KATNAL1: variants seen among roughly 807,000 people sequenced by gnomAD.
The protein encoded by KATNAL1 is katanin p60 ATPase-containing subunit A-like 1.
A neutral mutation model predicts 55.2 loss-of-function variants in KATNAL1; 32 were observed. That is an observed-to-expected ratio of 0.58 (90% CI 0.44 to 0.78). The LOEUF is 0.78. Ranked by LOEUF, KATNAL1 falls within the 30% of genes least tolerant of loss-of-function variation. The pLI is 0.00. For synonymous variants in KATNAL1, 193 were observed against 193.6 expected (o/e 1.00, Z 0.02); for missense variants, 466 against 600.9 (o/e 0.78, Z 2.35).
In KATNAL1 at chr13:30,287,439, T is replaced by C. The variant is rs113452796; in HGVS notation, c.-14-3648A>G. Among the ~76,000 whole-genome samples the C allele has an allele frequency of 1.1e-3, 174 of 152,358 alleles. 2 individuals carry two copies. The highest frequency in any genetic ancestry group is 4.1e-3 in the African/African-American group (169 of 41,588). The stretch of plus-strand genomic sequence containing the variant: ...CCCTGTGAAGAGGTGCCTTCCGCCA[T>C]GATTGTAAGTTTCCTGCGGCCTCCC... On this transcript the variant is annotated intron_variant, in intron 1 of 10. Coordinates refer to ENST00000380615, the MANE Select transcript of KATNAL1 (RefSeq NM_032116.5).
chr13:30,235,975 CATT>C (rs1238662269), intron 6 of KATNAL1, among the ~76,000 whole-genome samples: 2 of 151,748 alleles, frequency 1.3e-5, no homozygotes, highest in African/African-American at 4.8e-5. Flanking sequence ...AAAAAGAAAA[CATT>C]ATTAAGAAAA....
intron 4 of KATNAL1, among the ~76,000 whole-genome samples, chr13:30,249,058 CAA>C (rs71093034): frequency 7.1e-6 from 1 of 140,806 alleles, no homozygotes; most frequent in Non-Finnish European, 1.5e-5. Context: ...GACTCCGTCT[CAA>C]AAAAAAAAAA....
At chr13:30,225,555 A>G (rs570973788) in intron 9 of KATNAL1, among the ~76,000 whole-genome samples, 166 of 152,272 alleles carry the variant, frequency 1.1e-3, no homozygotes, top group Non-Finnish European at 1.1e-3. Context: ...ATAATTTTCA[A>G]TGAAGGTGCC....
Position 30,207,041 on chromosome 13 carries a change from T to C in KATNAL1, c.*1499A>G, listed in dbSNP as rs892539074. The C allele has an allele frequency of 6.6e-6, 1 of 152,120 alleles. No homozygotes were observed. Among genetic ancestry groups the C allele is most frequent in the African/African-American group, 2.4e-5 (1 of 41,454 alleles). 9.4% of individuals were successfully genotyped at this position (152,120 alleles called of 1,614,324 possible). On this transcript the variant is annotated 3_prime_UTR_variant, in exon 11 of 11. Transcript: ENST00000380615. ...TTTAGCAGGGAAAAATAATCAAATCTCTTTTTTTAAAAAAAACCTTCTTAG... is the reference window on the plus strand; with the variant it reads ...TTTAGCAGGGAAAAATAATCAAATCCCTTTTTTTAAAAAAAACCTTCTTAG...
At chr13:30,285,717 A>G (rs1881736958) in intron 1 of KATNAL1, among the ~76,000 whole-genome samples, 1 of 152,242 alleles carries the variant, frequency 6.6e-6, no homozygotes, top group Non-Finnish European at 1.5e-5. Context: ...AGGTTGGAAC[A>G]GTTTGGAGGG....
chr13:30,281,049 C>G (rs917378539), intron 2 of KATNAL1, among the ~76,000 whole-genome samples: 5 of 143,014 alleles, frequency 3.5e-5, no homozygotes, highest in African/African-American at 5.4e-5. Context: ...AGAAGGATCA[C>G]TTGAGCCCAG....
chr13:30,216,554 G>A (rs540497551), intron 9 of KATNAL1, among the ~76,000 whole-genome samples: 8 of 152,322 alleles, frequency 5.3e-5, no homozygotes, highest in East Asian at 3.9e-4. Context: ...ACTGGAAAAC[G>A]TCTACCTCCA....
chr13:30,245,683 GC>G (rs1877719386), intron 4 of KATNAL1, among the ~76,000 whole-genome samples: 1 of 152,162 alleles, frequency 6.6e-6, no homozygotes, highest in Non-Finnish European at 1.5e-5. Flanking sequence ...ATCTCCTTAA[GC>G]TGATAAGCAA....
At chr13:30,296,705 C>T (rs760091411) in intron 1 of KATNAL1, 20 of 599,688 alleles carry the variant, frequency 3.3e-5, no homozygotes, top group Non-Finnish European at 5.8e-5. Context: ...ACGTGGATGA[C>T]GGCGAGGAAT....
At chr13:30,266,149 T>C (rs1879767939) in intron 3 of KATNAL1, among the ~76,000 whole-genome samples, 2 of 151,938 alleles carry the variant, frequency 1.3e-5, no homozygotes, top group African/African-American at 4.8e-5. Context: ...ATTACAGGAA[T>C]GTGCCACTAT....
At chr13:30,254,980 T>G (rs1042042257) in intron 4 of KATNAL1, among the ~76,000 whole-genome samples, 1 of 152,160 alleles carries the variant, frequency 6.6e-6, no homozygotes, top group Non-Finnish European at 1.5e-5. Context: ...AAGGGGAATC[T>G]TCTCAAGGAA....
At chr13:30,255,667 G>T in intron 3 of KATNAL1, 52 bp from the exon 4 acceptor site, 1 of 1,326,534 alleles carries the variant, frequency 7.5e-7, no homozygotes. Flanking sequence ...ATTAATCAAA[G>T]GCAAAAGTAT....
At chr13:30,235,615 A>G (rs185594149) in intron 6 of KATNAL1, among the ~76,000 whole-genome samples, 22 of 152,394 alleles carry the variant, frequency 1.4e-4, no homozygotes, top group East Asian at 1.2e-3. Context: ...CCATATTGTC[A>G]CACATCCAGG....
At chr13:30,294,275 T>C (rs1417173811) in intron 1 of KATNAL1, among the ~76,000 whole-genome samples, 1 of 151,656 alleles carries the variant, frequency 6.6e-6, no homozygotes, top group African/African-American at 2.4e-5. Flanking sequence ...AAGAGCCAAG[T>C]TGTAAATGCA....
intron 3 of KATNAL1, among the ~76,000 whole-genome samples, chr13:30,260,555 G>A (rs1487287601): frequency 6.6e-6 from 1 of 152,118 alleles, no homozygotes; most frequent in Non-Finnish European, 1.5e-5. Flanking sequence ...ACCAAGGCTC[G>A]AGAACTACGC....
intron 1 of KATNAL1, among the ~76,000 whole-genome samples, chr13:30,293,731 C>A (rs188862499): frequency 1.3e-5 from 2 of 152,304 alleles, no homozygotes; most frequent in African/African-American, 2.4e-5. Context: ...TCTCCCTACA[C>A]AGGCCCACCT....
At chr13:30,268,716 T>G (rs1041034460) in intron 3 of KATNAL1, among the ~76,000 whole-genome samples, 1 of 152,186 alleles carries the variant, frequency 6.6e-6, no homozygotes, top group African/African-American at 2.4e-5. Context: ...TTACCACTAA[T>G]AGAGACCTTG....
rs1334026381 is a variant in KATNAL1, at chr13:30,203,573, T to C, written c.*4967A>G. 1 of 152,234 alleles carries C rather than the reference T, an allele frequency of 6.6e-6. No homozygotes were observed. The highest frequency in any genetic ancestry group is 2.4e-5 in the African/African-American group (1 of 41,462). 9.4% of individuals were successfully genotyped at this position (152,234 alleles called of 1,614,324 possible). On this transcript the variant is annotated 3_prime_UTR_variant, in exon 11 of 11. Coordinates refer to ENST00000380615, the MANE Select transcript of KATNAL1 (RefSeq NM_032116.5). ...TATTTTTTTGTGTCAAATTTCCATA[T>C]GTACAAAAACCTACACACTGTTGGT... is the stretch of plus-strand genomic sequence containing the variant.
At chr13:30,272,305 G>C (rs1880441896) in intron 3 of KATNAL1, among the ~76,000 whole-genome samples, 1 of 152,132 alleles carries the variant, frequency 6.6e-6, no homozygotes, top group African/African-American at 2.4e-5. Flanking sequence ...GGCTGAGGCA[G>C]GAGAATTGCT....
Sources: allele counts gnomAD v4.1 joint callset (sites outside exome capture counted in the v4.1 genomes callset), GRCh38; gene constraint gnomAD v4.1.1; transcripts MANE v1.5; gene names NCBI Gene and HGNC (gene_info 2026-07-23, HGNC 2026-07-21).